The following SLC35F4 variants were observed in gnomAD, a reference collection of about 807,000 sequenced individuals.
SLC35F4 encodes the protein solute carrier family 35 member F4.
A neutral mutation model predicts 44.2 loss-of-function variants in SLC35F4; 24 were observed. That is an observed-to-expected ratio of 0.54 (90% confidence interval 0.39 to 0.76). SLC35F4 has a LOEUF of 0.76. SLC35F4 is among the 30% of genes least tolerant of loss of function. The probability of loss-of-function intolerance (pLI) is 0.00; values close to 1 mark genes in which losing one functional copy is unlikely to be tolerated. For synonymous variants in SLC35F4, 238 were observed against 223.6 expected (o/e 1.06, Z -0.57); for missense variants, 562 against 586.1 (o/e 0.96, Z 0.42).
At chr14:57,863,504 CATATTAT>C (rs1292926955) in intron 1 of SLC35F4, among the ~76,000 whole-genome samples, 1 of 152,204 alleles carries the variant, frequency 6.6e-6, no homozygotes, top group Non-Finnish European at 1.5e-5. Context: ...CTTGCTTTCA[CATATTAT>C]ATATTCATCA....
chr14:57,848,344 G>T (rs1199725737), intron 1 of SLC35F4, among the ~76,000 whole-genome samples: 3 of 152,322 alleles, frequency 2.0e-5, no homozygotes, highest in Middle Eastern at 6.8e-3. Flanking sequence ...ACCAGGCATG[G>T]TTGAAGACTG....
At chr14:57,768,285 A>T (rs928536456) in intron 1 of SLC35F4, among the ~76,000 whole-genome samples, 1 of 152,356 alleles carries the variant, frequency 6.6e-6, no homozygotes, top group South Asian at 2.1e-4. Flanking sequence ...TATTTTTAAA[A>T]ACGTATTTGC....
chr14:57,609,734 G>A (rs974798261), intron 1 of SLC35F4, among the ~76,000 whole-genome samples: 12 of 152,122 alleles, frequency 7.9e-5, no homozygotes, highest in Non-Finnish European at 1.0e-4. Flanking sequence ...CACACTGTCC[G>A]GAAGATGGCT....
At chr14:57,759,334 C>T (rs759953429) in intron 1 of SLC35F4, among the ~76,000 whole-genome samples, 4 of 152,070 alleles carry the variant, frequency 2.6e-5, no homozygotes, top group Non-Finnish European at 4.4e-5. Context: ...AATCCCAGCA[C>T]TTTGGGAGGG....
intron 1 of SLC35F4, among the ~76,000 whole-genome samples, chr14:57,698,603 A>T (rs73288236): frequency 0.016 from 2,406 of 152,204 alleles, 68 homozygotes; most frequent in African/African-American, 0.055. Context: ...CTACCCTGAG[A>T]AAGAATTGTA....
At chr14:57,724,776 A>G (rs2140449284) in intron 1 of SLC35F4, among the ~76,000 whole-genome samples, 1 of 152,310 alleles carries the variant, frequency 6.6e-6, no homozygotes, top group Admixed American at 6.5e-5. Context: ...TCGGAAGTAG[A>G]CAGCTGCAGC....
chr14:57,837,682 A>C (rs1189202837), intron 1 of SLC35F4: 2 of 152,166 alleles, frequency 1.3e-5, no homozygotes, highest in Non-Finnish European at 2.9e-5. Flanking sequence ...TTCTTGAACC[A>C]TCACTGTCAC....
At chr14:57,589,744 G>C (rs2070035658) in intron 2 of SLC35F4, among the ~76,000 whole-genome samples, 1 of 152,204 alleles carries the variant, frequency 6.6e-6, no homozygotes, top group Admixed American at 6.5e-5. Flanking sequence ...CAGTCCATGA[G>C]GTTGCTCATG....
rs572243498 is a variant in SLC35F4, at chr14:57,727,544, C to T, written c.104-133420G>A. Among the ~76,000 whole-genome samples the T allele has an allele frequency of 2.3e-3, 348 of 151,346 alleles. 2 individuals are homozygous for T. Among genetic ancestry groups the T allele is most frequent in the South Asian group, 7.3e-3 (35 of 4,772 alleles). ...GGCACTTATAGCTATACACTTTCCT[C>T]CTAGTACTGCTTTCACTGTGTCCCA... On this transcript the variant is annotated intron_variant, in intron 1 of 7. Coordinates refer to ENST00000556826, the MANE Select transcript of SLC35F4 (RefSeq NM_001306087.2).
At chr14:57,736,902 T>C (rs919174352) in intron 1 of SLC35F4, among the ~76,000 whole-genome samples, 7 of 152,338 alleles carry the variant, frequency 4.6e-5, no homozygotes, top group Non-Finnish European at 1.0e-4. Flanking sequence ...AGCTGCAATT[T>C]GGTTTCATAG....
At chr14:57,711,963 C>T (rs1092052) in intron 1 of SLC35F4, among the ~76,000 whole-genome samples, 73,771 of 151,980 alleles carry the variant, frequency 0.49, 18,375 homozygotes, top group Non-Finnish European at 0.55. Flanking sequence ...GTGTCTGTTT[C>T]TAATTTTAAG....
At chr14:57,948,457 A>G (rs978408404) in intron 1 of SLC35F4, among the ~76,000 whole-genome samples, 8 of 151,996 alleles carry the variant, frequency 5.3e-5, no homozygotes, top group Admixed American at 3.3e-4. Context: ...CGGTCTATCA[A>G]TTTTGTTTAT....
In SLC35F4 at chr14:57,932,777, G is replaced by A. The variant is rs187016536; in HGVS notation, n.282+49136C>T. ...GACAGGAAAATTGCTTGAATCCAGG[G>A]GGCAGAGGTTGCAGTGAGCCGAGGT... On this transcript the variant is annotated intron_variant and non_coding_transcript_variant, in intron 1 of 1. Transcript: ENST00000556568. 7.4e-3 allele frequency among the ~76,000 whole-genome samples: 1,119 copies of A among 152,068 alleles called. 7 individuals carry two copies. The highest frequency in any genetic ancestry group is 0.01 in the Non-Finnish European group (695 of 67,956).
At chr14:57,944,010 G>A (rs1386699002) in intron 1 of SLC35F4, among the ~76,000 whole-genome samples, 2 of 152,028 alleles carry the variant, frequency 1.3e-5, no homozygotes, top group Non-Finnish European at 2.9e-5. Context: ...AGTGGCCTCA[G>A]TGCATTCTCT....
At chr14:57,656,917 T>C (rs2073989820) in intron 1 of SLC35F4, among the ~76,000 whole-genome samples, 1 of 152,206 alleles carries the variant, frequency 6.6e-6, no homozygotes, top group Admixed American at 6.5e-5. Flanking sequence ...CCATCATGAC[T>C]ATATCCATTT....
At chr14:57,837,336 A>G (rs1047747148) in intron 1 of SLC35F4, 43 of 152,322 alleles carry the variant, frequency 2.8e-4, no homozygotes, top group African/African-American at 1.0e-3. Flanking sequence ...AAAAGAGCAG[A>G]AGGGAGGTAT....
chr14:57,832,086 G>C (rs75252185), intron 1 of SLC35F4, among the ~76,000 whole-genome samples: 2,077 of 152,258 alleles, frequency 0.014, 53 homozygotes, highest in African/African-American at 0.046. Flanking sequence ...ACCAGAAGAT[G>C]TGGAAAAACC....
At chr14:57,800,914 G>C (rs796122415) in intron 1 of SLC35F4, among the ~76,000 whole-genome samples, 2 of 152,186 alleles carry the variant, frequency 1.3e-5, no homozygotes, top group Non-Finnish European at 2.9e-5. Flanking sequence ...GAAAGAGACA[G>C]GGAGAATGGA....
chr14:57,641,606 T>C (rs1566716469), intron 1 of SLC35F4, among the ~76,000 whole-genome samples: 1 of 152,006 alleles, frequency 6.6e-6, no homozygotes, highest in African/African-American at 2.4e-5. Flanking sequence ...GTGATTCTAC[T>C]AGAAAATGAT....
Sources: allele counts gnomAD v4.1 joint callset (sites outside exome capture counted in the v4.1 genomes callset), GRCh38; gene constraint gnomAD v4.1.1; transcripts MANE v1.5; gene names NCBI Gene and HGNC (gene_info 2026-07-23, HGNC 2026-07-21).